The following MAN1A2 variants were observed in gnomAD, a reference collection of about 807,000 sequenced individuals.
MAN1A2 encodes the protein mannosidase alpha class 1A member 2.
MAN1A2 carries 26 observed loss-of-function variants against 75.7 expected under a neutral mutation model. The observed-to-expected ratio is 0.34, with a 90% CI of 0.25 to 0.48. The LOEUF is 0.48. MAN1A2 is among the 20% of genes least tolerant of loss of function. The pLI, the probability that MAN1A2 is intolerant of heterozygous loss-of-function variation, is 0.99. For missense variants in MAN1A2, 562 were observed against 775.5 expected (o/e 0.72, Z 3.27); for synonymous variants, 247 against 264.6 (o/e 0.93, Z 0.65).
intron 1 of MAN1A2, among the ~76,000 whole-genome samples, chr1:117,389,789 T>A (rs1016972435): frequency 3.3e-5 from 5 of 151,474 alleles, no homozygotes; most frequent in African/African-American, 1.2e-4. Context: ...TTCTTGATCT[T>A]AATGGGGAAG....
At chr1:117,387,465 T>C (rs1203111948) in intron 1 of MAN1A2, among the ~76,000 whole-genome samples, 2 of 152,218 alleles carry the variant, frequency 1.3e-5, no homozygotes, top group Non-Finnish European at 2.9e-5. Flanking sequence ...TCTTGGTATC[T>C]GTGAGGATAA....
At chr1:117,434,597 A>G (rs1648787855) in intron 5 of MAN1A2, among the ~76,000 whole-genome samples, 1 of 152,200 alleles carries the variant, frequency 6.6e-6, no homozygotes, top group African/African-American at 2.4e-5. Context: ...CTGAATATTC[A>G]TCCATAGGAG....
rs781754211 is a variant in MAN1A2, at chr1:117,420,637, A to G, written c.843A>G (p.Leu281=). The G allele has an allele frequency of 3.1e-6, 5 of 1,612,376 alleles. No homozygotes were observed. Among genetic ancestry groups the G allele is most frequent in the Non-Finnish European group, 4.2e-6 (5 of 1,178,634 alleles). Residue 281 remains leucine (L), a synonymous_variant, in exon 5 of 13, where the codon CTA becomes CTG. Coordinates refer to ENST00000356554, the MANE Select transcript of MAN1A2 (RefSeq NM_006699.5). The part of the protein sequence containing the change: ...FIGGLLAAYY[L]SGEEIFKIKA... ...GAGGCCTACTTGCAGCATATTACCT[A>G]TCAGGAGAGGAGGTGAGCAAAATCA...
Position 117,486,165 on chromosome 1 carries a change from C to T in MAN1A2, c.1169-6982C>T, listed in dbSNP as rs116640394. Among the ~76,000 whole-genome samples the T allele has an allele frequency of 7.9e-3, 1,200 of 152,066 alleles. 19 individuals carry two copies. The highest frequency in any genetic ancestry group is 0.026 in the African/African-American group (1,093 of 41,526). On this transcript the variant is annotated intron_variant, in intron 8 of 12. Transcript: ENST00000356554. ...GCTATAGAAGCTGGACATGACAATA[C>T]GGTTACATTTAATTAATATATTAAA...
At chr1:117,388,836 T>C (rs1653626211) in intron 1 of MAN1A2, among the ~76,000 whole-genome samples, 1 of 152,186 alleles carries the variant, frequency 6.6e-6, no homozygotes, top group Admixed American at 6.5e-5. Flanking sequence ...AAGAAAAGAA[T>C]GAATAGTGTA....
At position 117,458,523 on chromosome 1, in the gene MAN1A2, A is replaced by ATTTTTTTTTTTT. The variant is rs5777311; in HGVS notation, c.951-1960_951-1949dup. On this transcript the variant is annotated intron_variant, in intron 6 of 12. Transcript: ENST00000356554. ...TATATATATATATAGATATATATAT[A>ATTTTTTTTTTTT]TTTTTTTTTTTTTTTTTGAGACAGA... 1.6e-3 allele frequency among the ~76,000 whole-genome samples: 173 copies of ATTTTTTTTTTTT among 105,488 alleles called. 2 individuals carry two copies. The highest frequency in any genetic ancestry group is 2.2e-3 in the Non-Finnish European group (110 of 50,114). The allele number at this position is 105,488 out of a possible 152,430, so 69.2% of individuals were successfully genotyped here. A position where few individuals can be genotyped will look rare whatever the true frequency, so the allele number is the denominator to read the frequency against.
rs10923307 is a variant in MAN1A2, at chr1:117,462,816, C to T, written c.1074+2204C>T. ...TGGGTATGACAAGAATGACCCAATTCGTATAATTTGCTTTCACAAAGTCAA... is the reference window on the plus strand; with the variant it reads ...TGGGTATGACAAGAATGACCCAATTTGTATAATTTGCTTTCACAAAGTCAA... On this transcript the variant is annotated intron_variant, in intron 7 of 12. Transcript: ENST00000356554. Among the ~76,000 whole-genome samples the T allele has an allele frequency of 7.9e-3, 1,195 of 152,116 alleles. 12 individuals carry two copies. The highest frequency in any genetic ancestry group is 0.027 in the African/African-American group (1,124 of 41,494).
At chr1:117,467,530 ATACT>A (rs949291503) in intron 8 of MAN1A2, among the ~76,000 whole-genome samples, 8 of 152,180 alleles carry the variant, frequency 5.3e-5, no homozygotes, top group East Asian at 1.9e-4. Context: ...GACTCTTTTT[ATACT>A]TACTTTTCCT....
intron 5 of MAN1A2, among the ~76,000 whole-genome samples, chr1:117,426,802 AT>A (rs911082264): frequency 5.9e-5 from 9 of 152,070 alleles, no homozygotes; most frequent in South Asian, 2.1e-4. Flanking sequence ...GACCATCTGT[AT>A]TTTTTCTTAT....
intron 11 of MAN1A2, among the ~76,000 whole-genome samples, chr1:117,499,970 A>G (rs1037849219): frequency 6.6e-6 from 1 of 151,706 alleles, no homozygotes; most frequent in Non-Finnish European, 1.5e-5. Context: ...TGTGATAAAT[A>G]GCACTAATTA....
Position 117,464,994 on chromosome 1 carries a change from T to C in MAN1A2, c.1075-1340T>C, listed in dbSNP as rs17037313. ...AATACGTAAAAGAGCAATTGAAAAT[T>C]CCAAGCAAATATCACCATGAGAGAA... On this transcript the variant is annotated intron_variant, in intron 7 of 12. Coordinates refer to ENST00000356554, the MANE Select transcript of MAN1A2 (RefSeq NM_006699.5). 7.3e-3 allele frequency among the ~76,000 whole-genome samples: 1,118 copies of C among 152,170 alleles called. 18 individuals are homozygous for C. The highest frequency in any genetic ancestry group is 0.026 in the African/African-American group (1,070 of 41,514).
intron 4 of MAN1A2, among the ~76,000 whole-genome samples, chr1:117,415,956 G>T (rs539129935): frequency 7.2e-5 from 11 of 152,212 alleles, no homozygotes; most frequent in Non-Finnish European, 1.3e-4. Flanking sequence ...GAGAAATGTA[G>T]TCTTTTTTTC....
intron 8 of MAN1A2, among the ~76,000 whole-genome samples, chr1:117,477,790 T>A (rs1650371040): frequency 6.6e-6 from 1 of 152,016 alleles, no homozygotes; most frequent in Admixed American, 6.6e-5. Context: ...GCCAGGGCAG[T>A]CAGGCAAGAG....
In MAN1A2 at chr1:117,367,943, C is replaced by A. The variant is rs1652823676; in HGVS notation, c.-241C>A. 10 of 491,100 alleles carry A rather than the reference C, an allele frequency of 2.0e-5. No homozygotes were observed. In the South Asian group the frequency reaches 3.0e-4, roughly 15 times the overall value. 30.4% of individuals were successfully genotyped at this position (491,100 alleles called of 1,614,324 possible). ...AGGCTTGTAATAATCCGATGAAGTA[C>A]AGATGTTGAAGAGGATATCGCAGGA... On this transcript the variant is annotated 5_prime_UTR_variant, in exon 1 of 13. It introduces an in-frame stop codon into an upstream open reading frame of the 5' UTR. Transcript: ENST00000356554.
chr1:117,368,154 T>C lies in MAN1A2; in HGVS notation c.-30T>C, dbSNP rs759344549. The C allele has an allele frequency of 4.5e-6, 7 of 1,561,198 alleles. No individual in the cohort carries two copies. The highest frequency in any genetic ancestry group is 6.0e-6 in the Non-Finnish European group (7 of 1,159,580). ...TACATTTGACATAAGATGAGAACTT[T>C]CTAAAGTATTCTCTCCAAGAGCGTA... On this transcript the variant is annotated 5_prime_UTR_variant, in exon 1 of 13. Coordinates refer to ENST00000356554, the MANE Select transcript of MAN1A2 (RefSeq NM_006699.5).
intron 8 of MAN1A2, among the ~76,000 whole-genome samples, chr1:117,467,684 G>A (rs6678840): frequency 0.14 from 21,501 of 151,416 alleles, 1,743 homozygotes; most frequent in South Asian, 0.22. Flanking sequence ...ATGTAAAAAC[G>A]TAGTTTTCTT....
chr1:117,457,652 T>A (rs1004095219), intron 6 of MAN1A2, among the ~76,000 whole-genome samples: 1 of 152,168 alleles, frequency 6.6e-6, no homozygotes, highest in Non-Finnish European at 1.5e-5. Flanking sequence ...ACTGTTGGAC[T>A]TCCTAAGTTT....
rs928792027 is a variant in MAN1A2 at position 117,528,174 on chromosome 1, T to C, written c.*5217T>C. 6.6e-6 allele frequency: 1 copy of C among 152,074 alleles called. No homozygotes were observed. Among genetic ancestry groups the C allele is most frequent in the Non-Finnish European group, 1.5e-5 (1 of 67,982 alleles). The allele number at this position is 152,074 out of a possible 1,614,324, so 9.4% of individuals were successfully genotyped here. On this transcript the variant is annotated 3_prime_UTR_variant, in exon 13 of 13. Transcript: ENST00000356554. The stretch of plus-strand genomic sequence containing the variant: ...TTGAGCCTAGCAATTGCAGAACTCA[T>C]AAAATTGCTTGTGAAATTACACACC...
At chr1:117,397,048 A>G (rs1418364747) in intron 1 of MAN1A2, among the ~76,000 whole-genome samples, 2 of 149,958 alleles carry the variant, frequency 1.3e-5, no homozygotes, top group African/African-American at 4.9e-5. Flanking sequence ...TTCTAACTGC[A>G]AAATGATTCC....
Sources: gnomAD v4.1 joint callset for allele counts (sites outside exome capture counted in the v4.1 genomes callset) on GRCh38, gnomAD v4.1.1 for gene constraint, MANE v1.5 for transcripts, NCBI Gene and HGNC (gene_info 2026-07-23, HGNC 2026-07-21) for gene names.